PKHD1: variants seen among roughly 807,000 people sequenced by gnomAD.
PKHD1 encodes fibrocystin.
Under a neutral mutation model 412.0 loss-of-function variants are expected in PKHD1, and 291 were observed. That is an observed-to-expected ratio of 0.71 (90% CI 0.64 to 0.78). The LOEUF (loss-of-function observed/expected upper bound fraction) is 0.78, where lower values mean the gene tolerates loss of function less well. Ranked by LOEUF, PKHD1 falls within the 30% of genes least tolerant of loss-of-function variation. The pLI is 0.00. For synonymous variants in PKHD1, 1,777 were observed against 1,821.5 expected (o/e 0.98, Z 0.62); for missense variants, 4,825 against 4,950.7 (o/e 0.97, Z 0.76).
rs765874902 is a variant in PKHD1, at chr6:51,903,674, C to G, written c.6919G>C (p.Gly2307Arg). ...IRNNVIIQVS[G>R]AEGLSNPEML... ...TCAGGATTGGAGAGTCCCTCGGCACCAGAAACCTGGATGATCACGTTGTTT... is the reference window on the plus strand; with the variant it reads ...TCAGGATTGGAGAGTCCCTCGGCACGAGAAACCTGGATGATCACGTTGTTT... Residue 2307 changes from glycine (G) to arginine (R), a missense_variant, in exon 43 of 67, where the codon GGT (glycine) becomes CGT (arginine). Physicochemically the swap from Gly to Arg is moderately radical, Grantham distance 125 (BLOSUM62 -2). Coordinates refer to ENST00000371117, the MANE Select transcript of PKHD1 (RefSeq NM_138694.4). The G allele has an allele frequency of 1.7e-5, 28 of 1,611,410 alleles. No individual in the cohort carries two copies. The highest frequency in any genetic ancestry group is 2.3e-5 in the Non-Finnish European group (27 of 1,177,934).
intron 60 of PKHD1, among the ~76,000 whole-genome samples, chr6:51,685,821 G>A (rs1777351222): frequency 6.6e-6 from 1 of 152,082 alleles, no homozygotes; most frequent in Admixed American, 6.6e-5. Flanking sequence ...AGAAAAAATG[G>A]TTTTATAGGT....
intron 48 of PKHD1, among the ~76,000 whole-genome samples, chr6:51,861,831 A>G (rs1192371610): frequency 6.6e-6 from 1 of 152,202 alleles, no homozygotes; most frequent in African/African-American, 2.4e-5. Flanking sequence ...TATTAGGACA[A>G]TACTTTTTGC....
At chr6:51,973,085 A>G (rs547647323) in intron 35 of PKHD1, among the ~76,000 whole-genome samples, 4 of 152,224 alleles carry the variant, frequency 2.6e-5, no homozygotes, top group Non-Finnish European at 5.9e-5. Flanking sequence ...TAACTTAAAT[A>G]CCCCAGTGAT....
rs549285087 is a variant in PKHD1, at chr6:51,731,784, CTATT to C, written c.10156+12597_10156+12600del. Among the ~76,000 whole-genome samples, 4 of 152,180 alleles carry C rather than the reference CTATT, an allele frequency of 2.6e-5. No homozygotes were observed. In the South Asian group the frequency reaches 8.3e-4, roughly 32 times the overall value. ...ATATGATGAATGCAGCTACATGTAG[CTATT>C]TAGTCTTTGAAATGTGACTAGTGCA... On this transcript the variant is annotated intron_variant, in intron 60 of 66. Coordinates refer to ENST00000371117, the MANE Select transcript of PKHD1 (RefSeq NM_138694.4).
intron 35 of PKHD1, among the ~76,000 whole-genome samples, chr6:52,006,829 A>G (rs1417213674): frequency 6.6e-6 from 1 of 152,080 alleles, no homozygotes; most frequent in Non-Finnish European, 1.5e-5. Flanking sequence ...GTAGTATTTT[A>G]TCCCTCACCC....
rs922193595 is a variant in PKHD1 at position 51,775,926 on chromosome 6, T to A, written c.8441-5A>T. On this transcript the variant is annotated splice_region_variant and splice_polypyrimidine_tract_variant and intron_variant, in intron 53 of 66. Coordinates refer to ENST00000371117, the MANE Select transcript of PKHD1 (RefSeq NM_138694.4). ...CTAAGGGATTTTCTAAAGTACCTGT[T>A]TACAAAGAAAAGTATATCATTCAAA... 7.7e-7 allele frequency: 1 copy of A among 1,303,660 alleles called. No homozygotes were observed. Among genetic ancestry groups the A allele is most frequent in the African/African-American group, 1.5e-5 (1 of 68,844 alleles). The allele number at this position is 1,303,660 out of a possible 1,614,324, so 80.8% of individuals were successfully genotyped here.
intron 50 of PKHD1, among the ~76,000 whole-genome samples, chr6:51,838,489 A>G (rs1304611755): frequency 6.6e-6 from 1 of 152,234 alleles, no homozygotes; most frequent in Non-Finnish European, 1.5e-5. Context: ...AAACTAAAAA[A>G]TATATTGAAA....
intron 60 of PKHD1, among the ~76,000 whole-genome samples, chr6:51,688,662 G>A (rs1443192888): frequency 1.3e-5 from 2 of 151,984 alleles, no homozygotes; most frequent in African/African-American, 4.8e-5. Flanking sequence ...TATCACCACG[G>A]ACCCCACAGA....
At chr6:51,904,968 G>T (rs1781860578) in intron 41 of PKHD1, among the ~76,000 whole-genome samples, 1 of 152,088 alleles carries the variant, frequency 6.6e-6, no homozygotes, top group South Asian at 2.1e-4. Flanking sequence ...GATCACCTCA[G>T]TTACCCTTAG....
chr6:51,752,594 T>G (rs550949189), intron 57 of PKHD1, among the ~76,000 whole-genome samples: 3 of 152,324 alleles, frequency 2.0e-5, no homozygotes, highest in East Asian at 3.9e-4. Flanking sequence ...TATATTCATG[T>G]ACACCACGAT....
rs1772388451 is a variant in PKHD1 at position 51,659,160 on chromosome 6, C to CCA, written c.10964_10965dup (p.Glu3656TrpfsTer7). The CCA allele has an allele frequency of 6.2e-7, 1 of 1,613,628 alleles. No individual in the cohort carries two copies. On this transcript the variant is annotated frameshift_variant, in exon 61 of 67. Coordinates refer to ENST00000371117, the MANE Select transcript of PKHD1 (RefSeq NM_138694.4). LOFTEE classifies it high-confidence loss of function. Reference sequence around the variant, plus strand: ...ATGACAATCACTTTTGAGATAGTTTCCACAGTCATTGGGGGTGAAGCCCTA... The same window carrying CCA: ...ATGACAATCACTTTTGAGATAGTTTCCACACAGTCATTGGGGGTGAAGCCCTA...
At chr6:51,902,236 T>C (rs1244248826) in intron 43 of PKHD1, among the ~76,000 whole-genome samples, 1 of 152,166 alleles carries the variant, frequency 6.6e-6, no homozygotes, top group East Asian at 1.9e-4. Context: ...AAAGGGCACA[T>C]AGGAACTCTT....
chr6:51,692,289 A>ACACACACC (rs1366295251), intron 60 of PKHD1, among the ~76,000 whole-genome samples: 16 of 151,154 alleles, frequency 1.1e-4, no homozygotes, highest in African/African-American at 3.9e-4. Context: ...ACACACACAC[A>ACACACACC]CCACTGAGTT....
In PKHD1 at chr6:51,616,376, G is replaced by A; in HGVS notation, c.*2705C>T. ...TTTATTTAGATAAAGGGTGTAGATT[G>A]TCACTGCTGGGAAATATTTGCTGGG... On this transcript the variant is annotated 3_prime_UTR_variant, in exon 67 of 67. Coordinates refer to ENST00000371117, the MANE Select transcript of PKHD1 (RefSeq NM_138694.4). 1 of 286,334 alleles carries A rather than the reference G, an allele frequency of 3.5e-6. No homozygotes were observed. Among genetic ancestry groups the A allele is most frequent in the Non-Finnish European group, 6.3e-6 (1 of 157,518 alleles). 17.7% of individuals were successfully genotyped at this position (286,334 alleles called of 1,614,324 possible).
chr6:51,789,972 C>T (rs138377058), intron 53 of PKHD1, among the ~76,000 whole-genome samples: 232 of 152,156 alleles, frequency 1.5e-3, no homozygotes, highest in African/African-American at 5.4e-3. Context: ...GAACAGGTTG[C>T]CTTGAAAGGT....
rs1266917 is a variant in PKHD1 at position 51,951,360 on chromosome 6, G to T, written c.5908+8510C>A. Among the ~76,000 whole-genome samples, 551 of 152,038 alleles carry T rather than the reference G, an allele frequency of 3.6e-3. 1 individual carries two copies. The highest frequency in any genetic ancestry group is 0.013 in the African/African-American group (527 of 41,494). ...AAAAAAAAATCGTCTTTTTCCCGAGGTCTGTACCAAGCATGTAAAAATCCC... is the reference window on the plus strand; with the variant it reads ...AAAAAAAAATCGTCTTTTTCCCGAGTTCTGTACCAAGCATGTAAAAATCCC... On this transcript the variant is annotated intron_variant, in intron 36 of 66. Coordinates refer to ENST00000371117, the MANE Select transcript of PKHD1 (RefSeq NM_138694.4).
rs780398927 is a variant in PKHD1 at position 51,939,631 on chromosome 6, G to A, written c.5909-5309C>T. On this transcript the variant is annotated intron_variant, in intron 36 of 66. Coordinates refer to ENST00000371117, the MANE Select transcript of PKHD1 (RefSeq NM_138694.4). Reference sequence around the variant, plus strand: ...ATTCTTATCGTAAAATAGACAAACCGTCTGAGATGCCTGACGTCCAGACAT... The same window carrying A: ...ATTCTTATCGTAAAATAGACAAACCATCTGAGATGCCTGACGTCCAGACAT... Among the ~76,000 whole-genome samples the A allele has an allele frequency of 1.7e-4, 25 of 151,460 alleles. 1 individual carries two copies. Among genetic ancestry groups the A allele is most frequent in the South Asian group, 4.2e-4 (2 of 4,818 alleles).
At chr6:51,895,302 C>T (rs1321498265) in intron 43 of PKHD1, among the ~76,000 whole-genome samples, 2 of 152,096 alleles carry the variant, frequency 1.3e-5, no homozygotes, top group Non-Finnish European at 2.9e-5. Flanking sequence ...CAGTTACCAC[C>T]TATGTCTTTA....
At chr6:52,087,025 G>A (rs1812893046) in intron 1 of PKHD1, among the ~76,000 whole-genome samples, 1 of 152,124 alleles carries the variant, frequency 6.6e-6, no homozygotes, top group Non-Finnish European at 1.5e-5. Context: ...CAGAACAATA[G>A]AAATAAACAT....
Sources: allele counts gnomAD v4.1 joint callset (sites outside exome capture counted in the v4.1 genomes callset), GRCh38; gene constraint gnomAD v4.1.1; transcripts MANE v1.5; gene names NCBI Gene and HGNC (gene_info 2026-07-23, HGNC 2026-07-21).